Variants in ZNF451 observed in about 807,000 individuals in gnomAD.
ZNF451 encodes the protein E3 SUMO-protein ligase ZNF451.
In ZNF451, 80 loss-of-function variants were observed where a neutral mutation model predicts 107.1. The ratio of observed to expected loss-of-function variants is 0.75; its 90% CI spans 0.62 to 0.90. The LOEUF is 0.90. Among genes scored for constraint, ZNF451 ranks in the 40% least tolerant of loss-of-function variants. The pLI is 0.00. For synonymous variants in ZNF451, 362 were observed against 406.5 expected, an observed-to-expected ratio of 0.89 and a Z score of 1.32; for missense variants, 1,107 against 1,236.2, an observed-to-expected ratio of 0.90 and a Z score of 1.57.
intron 12 of ZNF451, among the ~76,000 whole-genome samples, chr6:57,152,600 T>C (rs1358493367): frequency 6.6e-6 from 1 of 152,210 alleles, no homozygotes; most frequent in Non-Finnish European, 1.5e-5. Flanking sequence ...ATACTGTTTT[T>C]TGGGTTTGTT....
chr6:57,134,162 T>G (rs1831318376), intron 6 of ZNF451: 1 of 152,296 alleles, frequency 6.6e-6, no homozygotes, highest in Admixed American at 6.5e-5. Flanking sequence ...CAAGAGAAGC[T>G]TCTAGAGGGA....
At chr6:57,110,247 TGAAGG>T (rs1246427222) in intron 3 of ZNF451, among the ~76,000 whole-genome samples, 1 of 152,074 alleles carries the variant, frequency 6.6e-6, no homozygotes, top group Non-Finnish European at 1.5e-5. Flanking sequence ...GGAACAGAAA[TGAAGG>T]AGACTAAATA....
intron 3 of ZNF451, chr6:57,108,174 C>G: frequency 1.0e-6 from 1 of 985,322 alleles, no homozygotes; most frequent in Non-Finnish European, 1.2e-6. Flanking sequence ...TCTACTTTGA[C>G]CTTAAGTGCT....
chr6:57,105,196 T>G, intron 3 of ZNF451: 2 of 985,324 alleles, frequency 2.0e-6, no homozygotes, highest in Non-Finnish European at 2.4e-6. Flanking sequence ...TTTAAATACC[T>G]CTAGGTTTTC....
At chr6:57,167,838 G>A (rs1763963256) in intron 14 of ZNF451, among the ~76,000 whole-genome samples, 1 of 152,032 alleles carries the variant, frequency 6.6e-6, no homozygotes, top group Non-Finnish European at 1.5e-5. Flanking sequence ...GTATATAATG[G>A]GCATTCAATA....
intron 5 of ZNF451, among the ~76,000 whole-genome samples, chr6:57,130,210 C>T (rs1458759771): frequency 6.6e-6 from 1 of 152,062 alleles, no homozygotes; most frequent in East Asian, 1.9e-4. Flanking sequence ...GAAAGGAAGC[C>T]TAGAACTTGG....
rs113423123 is a variant in ZNF451, at chr6:57,160,754, C to T, written c.3071-330C>T. On this transcript the variant is annotated intron_variant, in intron 13 of 14. Transcript: ENST00000370706. ...TTTTGCAGTGCCTTTTCAGTCATAC[C>T]GTATTATAAAGCCTTCGGTCTCTTA... 4.1e-3 allele frequency: 753 copies of T among 185,532 alleles called. 3 individuals are homozygous for T. Among genetic ancestry groups the T allele is most frequent in the Middle Eastern group, 0.011 (5 of 472 alleles). 11.5% of individuals were successfully genotyped at this position (185,532 alleles called of 1,614,324 possible). A position where few individuals can be genotyped will look rare whatever the true frequency, so the allele number is the denominator to read the frequency against.
intron 3 of ZNF451, among the ~76,000 whole-genome samples, chr6:57,118,210 A>G (rs1593110956): frequency 6.6e-6 from 1 of 150,994 alleles, no homozygotes; most frequent in African/African-American, 2.4e-5. Context: ...AATTGTCATT[A>G]CTGTCTTTTT....
intron 7 of ZNF451, among the ~76,000 whole-genome samples, chr6:57,138,346 T>TCA (rs1336734130): frequency 6.6e-6 from 1 of 151,638 alleles, no homozygotes; most frequent in Non-Finnish European, 1.5e-5. Context: ...CACTGCAACC[T>TCA]CTGCCTCCCG....
At chr6:57,099,294 A>G (rs1829472579) in intron 3 of ZNF451, among the ~76,000 whole-genome samples, 153 bp downstream of exon 3, 1 of 152,216 alleles carries the variant, frequency 6.6e-6, no homozygotes, top group Admixed American at 6.5e-5. Context: ...TCCTTTGCCC[A>G]GATCTCCTAC....
chr6:57,165,916 G>C (rs1157741255), intron 14 of ZNF451: 1 of 152,252 alleles, frequency 6.6e-6, no homozygotes, highest in African/African-American at 2.4e-5. Context: ...GAGCTTGCAG[G>C]ATGGGGAAGT....
At chr6:57,131,023 A>G (rs1288679449) in intron 5 of ZNF451, among the ~76,000 whole-genome samples, 3 of 152,170 alleles carry the variant, frequency 2.0e-5, no homozygotes, top group African/African-American at 7.2e-5. Flanking sequence ...GAGATCCTTT[A>G]AGAGCATATA....
At chr6:57,126,386 T>C (rs567475289) in intron 4 of ZNF451, 3 of 152,150 alleles carry the variant, frequency 2.0e-5, no homozygotes, top group African/African-American at 7.2e-5. Flanking sequence ...TTTTTAAAAG[T>C]AGATGACAAA....
chr6:57,109,605 A>C, intron 3 of ZNF451: 1 of 985,416 alleles, frequency 1.0e-6, no homozygotes, highest in Non-Finnish European at 1.2e-6. Context: ...ATTTAACAGC[A>C]TGTAAATGTT....
chr6:57,100,439 A>AT (rs1331987079), intron 3 of ZNF451, among the ~76,000 whole-genome samples: 2 of 152,142 alleles, frequency 1.3e-5, no homozygotes, highest in African/African-American at 4.8e-5. Flanking sequence ...GACTTCTCTG[A>AT]TTCCTTTTGC....
chr6:57,095,814 T>TGTTG (rs1554296153), intron 2 of ZNF451, among the ~76,000 whole-genome samples: 20 of 148,034 alleles, frequency 1.4e-4, no homozygotes, highest in African/African-American at 4.5e-4. Context: ...GCTTTTTTTT[T>TGTTG]TTGTTGTTGT....
Position 57,128,810 on chromosome 6 carries a change from CTG to C in ZNF451, c.401_402del (p.Val134GlyfsTer15). 1 of 1,612,900 alleles carries C rather than the reference CTG, an allele frequency of 6.2e-7. No individual in the cohort carries two copies. The highest frequency in any genetic ancestry group is 8.5e-7 in the Non-Finnish European group (1 of 1,179,314). On this transcript the variant is annotated frameshift_variant, in exon 5 of 15. Coordinates refer to ENST00000370706, the MANE Select transcript of ZNF451 (RefSeq NM_001031623.3). LOFTEE classifies it high-confidence loss of function. ...ACATTCTGATACAGAAGCAGCAAGA[CTG>C]TGTGTGGACCAGTGGCTAAAAATGC... ...RGHSDTEAAR[L>X]CVDQWLKMPG...
chr6:57,133,247 A>C (rs1315084914), intron 6 of ZNF451, 55 bp downstream of exon 6: 1 of 1,522,200 alleles, frequency 6.6e-7, no homozygotes, highest in African/African-American at 1.4e-5. Flanking sequence ...CTACCAAGTG[A>C]TTTCATAAAA....
chr6:57,105,833 T>G, intron 3 of ZNF451: 4 of 985,306 alleles, frequency 4.1e-6, no homozygotes, highest in Non-Finnish European at 4.8e-6. Flanking sequence ...GCTGACACTT[T>G]TATCTTTTTT....
Sources: gnomAD v4.1 joint callset for allele counts (sites outside exome capture counted in the v4.1 genomes callset) on GRCh38, gnomAD v4.1.1 for gene constraint, MANE v1.5 for transcripts, NCBI Gene and HGNC (gene_info 2026-07-23, HGNC 2026-07-21) for gene names.